The following TNFRSF9 variants were observed in gnomAD, a reference collection of about 807,000 sequenced individuals.
TNFRSF9 encodes the protein tumor necrosis factor receptor superfamily member 9.
TNFRSF9 carries 16 observed loss-of-function variants against 28.8 expected under a neutral mutation model. The observed-to-expected ratio is 0.55, with a 90% CI of 0.38 to 0.84. The LOEUF (loss-of-function observed/expected upper bound fraction) is 0.84. TNFRSF9 is among the 40% of genes least tolerant of loss of function. TNFRSF9 has a pLI of 0.00. For synonymous variants in TNFRSF9, 131 were observed against 117.0 expected, an observed-to-expected ratio of 1.12 and a Z score of -0.77; for missense variants, 303 against 315.0, an observed-to-expected ratio of 0.96 and a Z score of 0.29.
chr1:7,934,193 T>A (rs755572472), intron 6 of TNFRSF9, among the ~76,000 whole-genome samples: 2 of 151,486 alleles, frequency 1.3e-5, no homozygotes, highest in African/African-American at 2.4e-5. Context: ...CTGAGCAACA[T>A]AGCAAGACCC....
At position 7,916,499 on chromosome 1, in the gene TNFRSF9, C is replaced by G. The variant is rs1392492877; in HGVS notation, c.*4336G>C. 1 of 152,184 alleles carries G rather than the reference C, an allele frequency of 6.6e-6. No homozygotes were observed. Among genetic ancestry groups the G allele is most frequent in the East Asian group, 1.9e-4 (1 of 5,196 alleles). The allele number at this position is 152,184 out of a possible 1,614,324, so 9.4% of individuals were successfully genotyped here. A position where few individuals can be genotyped will look rare whatever the true frequency, so the allele number is the denominator to read the frequency against. On this transcript the variant is annotated 3_prime_UTR_variant, in exon 8 of 8. Coordinates refer to ENST00000377507, the MANE Select transcript of TNFRSF9 (RefSeq NM_001561.6). Reference sequence around the variant, plus strand: ...AAACTGTGGATTTTCGGTGTGTAACCTAGGACACATGAGAGCCTCGCTCCA... The same window carrying G: ...AAACTGTGGATTTTCGGTGTGTAACGTAGGACACATGAGAGCCTCGCTCCA...
At chr1:7,939,801 C>T (rs1639874828) in intron 2 of TNFRSF9, 94 bp downstream of exon 2, 1 of 883,102 alleles carries the variant, frequency 1.1e-6, no homozygotes, top group African/African-American at 1.6e-5. Flanking sequence ...ATTTTCCTTT[C>T]CTTAAAAGGG....
At chr1:7,927,732 A>G (rs981965079) in intron 7 of TNFRSF9, among the ~76,000 whole-genome samples, 3 of 150,618 alleles carry the variant, frequency 2.0e-5, no homozygotes, top group African/African-American at 7.3e-5. Flanking sequence ...AGATAGAGGA[A>G]AAAAAAAAAC....
intron 4 of TNFRSF9, 48 bp downstream of exon 4, chr1:7,938,145 T>G: frequency 6.8e-7 from 1 of 1,480,458 alleles, no homozygotes; most frequent in Non-Finnish European, 9.0e-7. Flanking sequence ...CAAAGCTAAG[T>G]TTGTCTATGT....
intron 5 of TNFRSF9, among the ~76,000 whole-genome samples, 196 bp downstream of exon 5, chr1:7,937,494 G>A (rs983999044): frequency 2.6e-5 from 4 of 152,076 alleles, no homozygotes; most frequent in Non-Finnish European, 5.9e-5. Context: ...GATGTTCCAG[G>A]CACTATTTCT....
rs1227409963 is a variant in TNFRSF9 at position 7,933,209 on chromosome 1, G to A, written c.632C>T (p.Ser211Phe). 5 of 1,614,020 alleles carry A rather than the reference G, an allele frequency of 3.1e-6. No homozygotes were observed. Among genetic ancestry groups the A allele is most frequent in the Non-Finnish European group, 4.2e-6 (5 of 1,179,924 alleles). The change falls in exon 7 of 8, where the codon TCT becomes TTT. Residue 211 changes from serine to phenylalanine, a missense_variant. Coordinates refer to ENST00000377507, the MANE Select transcript of TNFRSF9 (RefSeq NM_001561.6). ...FLLFFLTLRF[S>F]VVKRGRKKLL... is the part of the protein sequence containing the mutation. ...TTTCTTTCTGCCCCGTTTAACAACA[G>A]AGAAACGGAGCGTGAGGAAGAACAG...
rs962740843 is a variant in TNFRSF9, at chr1:7,920,148, T to A, written c.*687A>T. The A allele has an allele frequency of 1.3e-5, 2 of 152,316 alleles. No individual in the cohort carries two copies. The highest frequency in any genetic ancestry group is 2.4e-5 in the African/African-American group (1 of 41,434). The allele number at this position is 152,316 out of a possible 1,614,324, so 9.4% of individuals were successfully genotyped here. On this transcript the variant is annotated 3_prime_UTR_variant, in exon 8 of 8. Transcript: ENST00000377507. ...GGTACTTACTGCACCTCGTGGCTTA[T>A]TGTCATATGTCATATTAGCACCAAA...
intron 7 of TNFRSF9, among the ~76,000 whole-genome samples, chr1:7,924,294 CATATATATATATATATATAT>C (rs58569630): frequency 1.6e-4 from 21 of 130,020 alleles, no homozygotes; most frequent in South Asian, 1.1e-3. Flanking sequence ...TAGTATATTC[CATATATATATATATATATAT>C]ATATATATAT....
At position 7,938,212 on chromosome 1, in the gene TNFRSF9, A is replaced by T. The variant is rs1639851108; in HGVS notation, c.327T>A (p.Gly109=). ...CSMCEQDCKQ[G]QELTKKGCKD... ...ACGTACCTTTTTTTGTCAGTTCTTGACCTTGTTTACAATCCTGTTCACACA... is the reference window on the plus strand; with the variant it reads ...ACGTACCTTTTTTTGTCAGTTCTTGTCCTTGTTTACAATCCTGTTCACACA... Residue 109 remains glycine, a synonymous_variant, in exon 4 of 8, where the codon GGT becomes GGA. Transcript: ENST00000377507. 39 of 1,598,780 alleles carry T rather than the reference A, an allele frequency of 2.4e-5. No individual in the cohort carries two copies. The highest frequency in any genetic ancestry group is 3.3e-5 in the Non-Finnish European group (39 of 1,173,212).
In TNFRSF9 at chr1:7,923,653, C is replaced by G. The variant is rs986317141; in HGVS notation, c.680-2730G>C. 9.5e-4 allele frequency among the ~76,000 whole-genome samples: 145 copies of G among 152,230 alleles called. 2 individuals are homozygous for G. Among genetic ancestry groups the G allele is most frequent in the African/African-American group, 3.4e-3 (141 of 41,546 alleles). The stretch of plus-strand genomic sequence containing the variant: ...AGGAGTTCTAGACCAGCTTGGGTAA[C>G]AGAGCAAGACCCTGTCTCTACAAAA... On this transcript the variant is annotated intron_variant, in intron 7 of 7. Coordinates refer to ENST00000377507, the MANE Select transcript of TNFRSF9 (RefSeq NM_001561.6).
chr1:7,933,650 G>T (rs1193754846), intron 6 of TNFRSF9, among the ~76,000 whole-genome samples: 3 of 151,822 alleles, frequency 2.0e-5, no homozygotes, highest in Admixed American at 2.0e-4. Context: ...AGCTAAGATG[G>T]TGCCACTGCA....
Position 7,935,159 on chromosome 1 carries a change from G to A in TNFRSF9, c.414-16C>T. The A allele has an allele frequency of 6.2e-7, 1 of 1,607,798 alleles. No individual in the cohort carries two copies. Among genetic ancestry groups the A allele is most frequent in the South Asian group, 1.1e-5 (1 of 89,414 alleles). On this transcript the variant is annotated splice_polypyrimidine_tract_variant and intron_variant, in intron 5 of 7. Transcript: ENST00000377507. The stretch of plus-strand genomic sequence containing the variant: ...CAAAGAACAGCTTAGACAGTTCAAT[G>A]AAAATAATTTAAATAATTAACTTAG...
chr1:7,937,678 A>G lies in TNFRSF9; in HGVS notation c.413+12T>C. On this transcript the variant is annotated intron_variant, in intron 5 of 7. Transcript: ENST00000377507. The stretch of plus-strand genomic sequence containing the variant: ...ATTCTTTATTCCATAAACTAAAGGA[A>G]ATTATACGTACTTTGTCCAGGGTCG... 1.2e-6 allele frequency: 2 copies of G among 1,609,742 alleles called. No individual in the cohort carries two copies. The highest frequency in any genetic ancestry group is 1.7e-6 in the Non-Finnish European group (2 of 1,176,710).
At chr1:7,937,499 A>T (rs954832535) in intron 5 of TNFRSF9, among the ~76,000 whole-genome samples, 191 bp downstream of exon 5, 6 of 152,132 alleles carry the variant, frequency 3.9e-5, no homozygotes, top group Non-Finnish European at 7.3e-5. Flanking sequence ...TCCAGGCACT[A>T]TTTCTGGAGA....
chr1:7,940,496 T>C (rs556156698), intron 1 of TNFRSF9, among the ~76,000 whole-genome samples: 2 of 152,302 alleles, frequency 1.3e-5, no homozygotes, highest in East Asian at 3.9e-4. Flanking sequence ...ATAATCACTC[T>C]TCCCCCTTTA....
intron 5 of TNFRSF9, 97 bp downstream of exon 5, chr1:7,937,593 T>G: frequency 1.0e-6 from 1 of 964,394 alleles, no homozygotes; most frequent in South Asian, 1.4e-5. Context: ...TGTCTACACT[T>G]GATGGGTGCA....
At chr1:7,940,576 G>C (rs1382089244) in intron 1 of TNFRSF9, among the ~76,000 whole-genome samples, 4 of 152,198 alleles carry the variant, frequency 2.6e-5, no homozygotes, top group Non-Finnish European at 4.4e-5. Flanking sequence ...TTCTTAAACA[G>C]AGACATGTTT....
intron 5 of TNFRSF9, among the ~76,000 whole-genome samples, chr1:7,937,218 C>T (rs987100222): frequency 2.0e-5 from 3 of 152,210 alleles, no homozygotes; most frequent in African/African-American, 7.2e-5. Flanking sequence ...CTCTGGAGTG[C>T]GATGGTGCGA....
intron 7 of TNFRSF9, among the ~76,000 whole-genome samples, chr1:7,924,403 G>A (rs1388833467): frequency 6.6e-6 from 1 of 150,586 alleles, no homozygotes; most frequent in Non-Finnish European, 1.5e-5. Flanking sequence ...AAGGCAGGTG[G>A]ATTGCCTGAG....
Sources: allele counts gnomAD v4.1 joint callset (sites outside exome capture counted in the v4.1 genomes callset), GRCh38; gene constraint gnomAD v4.1.1; transcripts MANE v1.5; gene names NCBI Gene and HGNC (gene_info 2026-07-23, HGNC 2026-07-21).